The following GPR173 variants were observed in gnomAD, a reference collection of about 807,000 sequenced individuals.
GPR173 encodes the protein probable G protein-coupled receptor 173.
In GPR173, 2 loss-of-function variants were observed where a neutral mutation model predicts 13.9. The ratio of observed to expected loss-of-function variants is 0.14; its 90% CI spans 0.06 to 0.45. The LOEUF (loss-of-function observed/expected upper bound fraction) is 0.45, where lower values mean the gene tolerates loss of function less well. Ranked by LOEUF, GPR173 falls within the 20% of genes least tolerant of loss-of-function variation. The pLI is 0.98. For synonymous variants in GPR173, 131 were observed against 141.0 expected (o/e 0.93, Z 0.50); for missense variants, 202 against 340.5 (o/e 0.59, Z 3.20).
At chrX:53,053,099 T>C (rs1931985743) in intron 1 of GPR173, among the ~76,000 whole-genome samples, 1 of 112,683 alleles carries the variant, frequency 8.9e-6, no homozygotes. Context: ...GTGGGCATGT[T>C]TTGTGAGTAC....
At chrX:53,071,854 G>C (rs1241578728) in intron 1 of GPR173, among the ~76,000 whole-genome samples, 1 of 111,814 alleles carries the variant, frequency 8.9e-6, no homozygotes, top group Non-Finnish European at 1.9e-5. Context: ...GTGCGTATGT[G>C]TGAGTGTGTG....
At chrX:53,066,803 C>T (rs1028704823) in intron 1 of GPR173, among the ~76,000 whole-genome samples, 4 of 111,227 alleles carry the variant, frequency 3.6e-5, no homozygotes, top group Non-Finnish European at 5.6e-5. Flanking sequence ...GTGTACTGAT[C>T]CCAGTTCCTT....
Position 53,079,893 on chromosome X carries a change from G to A in GPR173, c.*2150G>A, listed in dbSNP as rs7060542. 0.28 allele frequency: 34,277 copies of A among 121,426 alleles called. 4,354 individuals are homozygous for A. The highest frequency in any genetic ancestry group is 0.51 in the African/African-American group (15,234 of 30,088). The allele number at this position is 121,426 out of a possible 1,213,427, so 10.0% of individuals were successfully genotyped here. A position where few individuals can be genotyped will look rare whatever the true frequency, so the allele number is the denominator to read the frequency against. On this transcript the variant is annotated 3_prime_UTR_variant, in exon 2 of 2. Coordinates refer to ENST00000332582, the MANE Select transcript of GPR173 (RefSeq NM_018969.6). The stretch of plus-strand genomic sequence containing the variant: ...TACATAGGTCGGTAGCAAGAGGGTA[G>A]ACTCCCATCTCACAAGATGGGCCTC...
rs142466176 is a variant in GPR173 at position 53,077,713 on chromosome X, G to A, written c.1092G>A (p.Pro364=). The A allele has an allele frequency of 3.1e-4, 375 of 1,205,759 alleles. No individual in the cohort carries two copies. Among genetic ancestry groups the A allele is most frequent in the African/African-American group, 1.1e-3 (62 of 57,137 alleles). ...HAPCWGTGGA[P]APREPYCVM ...CCTGCTGGGGCACAGGAGGTGCCCC[G>A]GCTCCCAGAGAACCCTACTGTGTCA... The change falls in exon 2 of 2, where the codon CCG becomes CCA. Residue 364 remains proline, a synonymous_variant. Coordinates refer to ENST00000332582, the MANE Select transcript of GPR173 (RefSeq NM_018969.6).
At chrX:53,067,823 C>CAAAA (rs58304820) in intron 1 of GPR173, among the ~76,000 whole-genome samples, 3 of 77,420 alleles carry the variant, frequency 3.9e-5, no homozygotes, top group African/African-American at 5.1e-5. Flanking sequence ...GACTCCATCT[C>CAAAA]AAAAAAAAAA....
At chrX:53,059,298 A>C (rs950314650) in intron 1 of GPR173, among the ~76,000 whole-genome samples, 1 of 106,353 alleles carries the variant, frequency 9.4e-6, no homozygotes, top group Non-Finnish European at 1.9e-5. Context: ...CTCTCAATAC[A>C]ATTTTTGTGT....
At chrX:53,068,348 C>G (rs1556804448) in intron 1 of GPR173, among the ~76,000 whole-genome samples, 1 of 111,254 alleles carries the variant, frequency 9.0e-6, no homozygotes, top group African/African-American at 3.3e-5. Context: ...ACACCTAATA[C>G]TATACTATAT....
intron 1 of GPR173, among the ~76,000 whole-genome samples, chrX:53,050,919 G>GCACA (rs782240314): frequency 9.0e-6 from 1 of 111,288 alleles, no homozygotes; most frequent in African/African-American, 3.3e-5. Flanking sequence ...CTGTTTGTGC[G>GCACA]CACACACACA....
At chrX:53,049,597 CTG>C (rs1931924401) in intron 1 of GPR173, 113 bp downstream of exon 1, 1 of 111,797 alleles carries the variant, frequency 8.9e-6, no homozygotes, top group African/African-American at 3.3e-5. Context: ...CTGTCTGACT[CTG>C]TTAGTCTCTT....
In GPR173 at chrX:53,077,760, G is replaced by T. The variant is rs1438881264; in HGVS notation, c.*17G>T. 1.0e-5 allele frequency: 12 copies of T among 1,185,581 alleles called. No individual in the cohort carries two copies. The highest frequency in any genetic ancestry group is 1.8e-5 in the South Asian group (1 of 54,833). On this transcript the variant is annotated 3_prime_UTR_variant, in exon 2 of 2. Coordinates refer to ENST00000332582, the MANE Select transcript of GPR173 (RefSeq NM_018969.6). ...GTCATGTGAAGCAGGCTGGTAGGCAGACAGGCAGAGAGAAGGTCATGGCCA... is the reference window on the plus strand; with the variant it reads ...GTCATGTGAAGCAGGCTGGTAGGCATACAGGCAGAGAGAAGGTCATGGCCA...
chrX:53,063,324 G>C (rs1462263526), intron 1 of GPR173, among the ~76,000 whole-genome samples: 1 of 110,357 alleles, frequency 9.1e-6, no homozygotes, highest in African/African-American at 3.3e-5. Flanking sequence ...GGCAGCCAAG[G>C]GGTACTGCTC....
Position 53,050,182 on chromosome X carries a change from G to C in GPR173, c.-98+698G>C, listed in dbSNP as rs143783056. 9.5e-3 allele frequency among the ~76,000 whole-genome samples: 1,057 copies of C among 111,360 alleles called. 15 individuals carry two copies. The highest frequency in any genetic ancestry group is 0.014 in the Non-Finnish European group (717 of 52,973). On this transcript the variant is annotated intron_variant, in intron 1 of 1. Transcript: ENST00000332582. ...GCTAGGGGGAGGAAGTCACTGTAGG[G>C]CTAAAGGACAGTGAAGTGGTGGTGG...
chrX:53,058,488 GTC>G (rs782720194), intron 1 of GPR173, among the ~76,000 whole-genome samples: 1 of 109,878 alleles, frequency 9.1e-6, no homozygotes, highest in South Asian at 3.9e-4. Flanking sequence ...GCATCTGAGG[GTC>G]TCTCTGTATT....
chrX:53,052,625 G>A (rs1329348125), intron 1 of GPR173, among the ~76,000 whole-genome samples: 2 of 109,445 alleles, frequency 1.8e-5, no homozygotes, highest in South Asian at 4.0e-4. Flanking sequence ...GTGTGTGTGT[G>A]TGTGTGTGAA....
At chrX:53,066,374 T>G (rs1270938726) in intron 1 of GPR173, among the ~76,000 whole-genome samples, 1 of 112,014 alleles carries the variant, frequency 8.9e-6, no homozygotes, top group Non-Finnish European at 1.9e-5. Context: ...CTTTAACATT[T>G]TTTATGTAAC....
intron 1 of GPR173, among the ~76,000 whole-genome samples, chrX:53,068,763 T>TATAAATAAATAAATAAATAAATAAATAA (rs782084081): frequency 0.011 from 1,041 of 96,458 alleles, 24 homozygotes; most frequent in African/African-American, 0.038. Flanking sequence ...CGAGACCCTG[T>TATAAATAAATAAATAAATAAATAAATAA]ATAAATAAAT....
At chrX:53,074,025 TATATATAA>T (rs1167763201) in intron 1 of GPR173, among the ~76,000 whole-genome samples, 1 of 36,681 alleles carries the variant, frequency 2.7e-5, no homozygotes, top group Non-Finnish European at 4.0e-5. Context: ...AATATATATT[TATATATAA>T]ATATATAAAT....
intron 1 of GPR173, among the ~76,000 whole-genome samples, chrX:53,060,122 T>G (rs1034635560): frequency 1.1e-4 from 12 of 109,036 alleles, no homozygotes; most frequent in African/African-American, 4.0e-4. Context: ...CTGTAAACTC[T>G]CTACATATAC....
At chrX:53,061,374 T>G (rs1318947145) in intron 1 of GPR173, among the ~76,000 whole-genome samples, 2 of 111,753 alleles carry the variant, frequency 1.8e-5, no homozygotes, top group Non-Finnish European at 3.8e-5. Context: ...TGTCTGTATA[T>G]GAGTGTCTCA....
Sources: gnomAD v4.1 joint callset for allele counts (sites outside exome capture counted in the v4.1 genomes callset) on GRCh38, gnomAD v4.1.1 for gene constraint, MANE v1.5 for transcripts, NCBI Gene and HGNC (gene_info 2026-07-23, HGNC 2026-07-21) for gene names.